AP5B1: variants seen among roughly 807,000 people sequenced by gnomAD.
The protein encoded by AP5B1 is adaptor related protein complex 5 subunit beta 1.
Under a neutral mutation model 5.7 loss-of-function variants are expected in AP5B1, and 3 were observed. The observed-to-expected ratio is 0.53, with a 90% CI of 0.24 to 1.36. AP5B1 has a LOEUF of 1.36. Ranked by LOEUF, AP5B1 falls within the 40% of genes most tolerant of loss-of-function variation. The probability of loss-of-function intolerance (pLI) is 0.17; values close to 1 mark genes in which losing one functional copy is unlikely to be tolerated. For synonymous variants in AP5B1, 696 were observed against 555.5 expected, an observed-to-expected ratio of 1.25 and a Z score of -3.56; for missense variants, 1,310 against 1,143.2, an observed-to-expected ratio of 1.15 and a Z score of -2.10.
chr11:65,780,386 A>G, intron 1 of AP5B1, 44 bp from the exon 2 acceptor site: 1 of 1,462,858 alleles, frequency 6.8e-7, no homozygotes, highest in Non-Finnish European at 9.0e-7. Flanking sequence ...GAGGTTCATG[A>G]CGCGGCGGGC....
Position 65,777,820 on chromosome 11 carries a change from G to A in AP5B1, c.*36C>T. ...CAGGAGTGTGCCTTGGCCCCCACAA[G>A]GGCCACAGTCCTGCCCCCACCTGGT... is the stretch of plus-strand genomic sequence containing the variant. On this transcript the variant is annotated 3_prime_UTR_variant, in exon 2 of 2. Coordinates refer to ENST00000532090, the MANE Select transcript of AP5B1 (RefSeq NM_138368.5). 2 of 1,464,856 alleles carry A rather than the reference G, an allele frequency of 1.4e-6. No individual in the cohort carries two copies. Among genetic ancestry groups the A allele is most frequent in the Non-Finnish European group, 1.8e-6 (2 of 1,106,812 alleles). 90.7% of individuals were successfully genotyped at this position (1,464,856 alleles called of 1,614,324 possible).
Position 65,778,740 on chromosome 11 carries a change from G to A in AP5B1, c.1753C>T (p.Arg585Trp), listed in dbSNP as rs780167918. The A allele has an allele frequency of 2.6e-5, 41 of 1,604,554 alleles. No individual in the cohort carries two copies. Among genetic ancestry groups the A allele is most frequent in the South Asian group, 4.4e-5 (4 of 90,276 alleles). Residue 585 changes from arginine to tryptophan, a missense_variant, in exon 2 of 2, where the codon CGG (arginine) becomes TGG (tryptophan). Arg to Trp is a moderately radical substitution (Grantham distance 101). Transcript: ENST00000532090. ...GLLRVCRALL[R>W]AGVRGGLVDL... ...ACCAGGCCGCCCCTCACCCCTGCCCGCAGCAGCGCCCGGCAGACCCGCAGC... is the reference window on the plus strand; with the variant it reads ...ACCAGGCCGCCCCTCACCCCTGCCCACAGCAGCGCCCGGCAGACCCGCAGC...
In AP5B1 at chr11:65,778,937, A is replaced by C. The variant is rs777259602; in HGVS notation, c.1556T>G (p.Leu519Arg). 3 of 1,612,928 alleles carry C rather than the reference A, an allele frequency of 1.9e-6. No individual in the cohort carries two copies. In the South Asian group the frequency reaches 3.3e-5, roughly 18 times the overall value. Residue 519 changes from leucine to arginine, a missense_variant, in exon 2 of 2, where the codon CTG (leucine) becomes CGG (arginine). Physicochemically the swap from Leu to Arg is moderately radical, Grantham distance 102 (BLOSUM62 -2). Transcript: ENST00000532090. ...DQVDSELREPLKVVLRQVVVS... is the reference protein window; with the variant it reads ...DQVDSELREPRKVVLRQVVVS... ...CACCACCTGCCGCAACACCACCTTC[A>C]GGGGCTCCCTCAGCTCAGAGTCCAC... is the stretch of plus-strand genomic sequence containing the variant.
chr11:65,774,312 T>A lies in AP5B1; in HGVS notation c.*3544A>T, dbSNP rs1857740694. On this transcript the variant is annotated 3_prime_UTR_variant, in exon 2 of 2. Coordinates refer to ENST00000532090, the MANE Select transcript of AP5B1 (RefSeq NM_138368.5). ...ATGACTCAACTATTTAGCACCTCCA[T>A]CTCAACATGTACTTCCCCAACGGTC... 6.6e-6 allele frequency among the ~76,000 whole-genome samples: 1 copy of A among 152,198 alleles called. No individual in the cohort carries two copies. The highest frequency in any genetic ancestry group is 2.4e-5 in the African/African-American group (1 of 41,444).
Position 65,778,748 on chromosome 11 carries a change from G to A in AP5B1, c.1745C>T (p.Ala582Val), listed in dbSNP as rs778961738. 16 of 1,606,952 alleles carry A rather than the reference G, an allele frequency of 1.0e-5. No individual in the cohort carries two copies. The highest frequency in any genetic ancestry group is 2.2e-5 in the East Asian group (1 of 44,804). Residue 582 changes from alanine to valine, a missense_variant, in exon 2 of 2, where the codon GCG (alanine) becomes GTG (valine). By Grantham distance (64) the Ala-to-Val change is moderately conservative. Transcript: ENST00000532090. ...GCCCCTCACCCCTGCCCGCAGCAGC[G>A]CCCGGCAGACCCGCAGCAGGCCCTG... ...LQQGLLRVCR[A>V]LLRAGVRGGL...
In AP5B1 at chr11:65,778,853, AC is replaced by A; in HGVS notation, c.1639del (p.Val547TrpfsTer42). The stretch of plus-strand genomic sequence containing the variant: ...AGCACTCTGGGCATCTCCATCTGCC[AC>A]CTTTGCCAGCATTTGCAGGTGCCAG... ...LCWHLQMLAK[V>X]ADGDAQSATL... On this transcript the variant is annotated frameshift_variant, in exon 2 of 2. Transcript: ENST00000532090. LOFTEE classifies it low-confidence loss of function (END_TRUNC). The A allele has an allele frequency of 6.2e-7, 1 of 1,609,128 alleles. No individual in the cohort carries two copies. The highest frequency in any genetic ancestry group is 8.5e-7 in the Non-Finnish European group (1 of 1,177,762).
chr11:65,775,949 G>A lies in AP5B1; in HGVS notation c.*1907C>T, dbSNP rs1426352835. ...TCTGTCGCCCAGGCTGGAGTGCAGT[G>A]GCGTGATCTCGGCTCACTGCAACTT... is the stretch of plus-strand genomic sequence containing the variant. On this transcript the variant is annotated 3_prime_UTR_variant, in exon 2 of 2. Coordinates refer to ENST00000532090, the MANE Select transcript of AP5B1 (RefSeq NM_138368.5). 6.6e-6 allele frequency: 1 copy of A among 152,100 alleles called. No homozygotes were observed. Among genetic ancestry groups the A allele is most frequent in the Non-Finnish European group, 1.5e-5 (1 of 68,160 alleles). The allele number at this position is 152,100 out of a possible 1,614,324, so 9.4% of individuals were successfully genotyped here.
In AP5B1 at chr11:65,774,289, G is replaced by A. The variant is rs1288728521; in HGVS notation, c.*3567C>T. ...TTACAGCGTATCCAGGTGAGATTAT[G>A]ACTCAACTATTTAGCACCTCCATCT... is the stretch of plus-strand genomic sequence containing the variant. On this transcript the variant is annotated 3_prime_UTR_variant, in exon 2 of 2. Coordinates refer to ENST00000532090, the MANE Select transcript of AP5B1 (RefSeq NM_138368.5). Among the ~76,000 whole-genome samples the A allele has an allele frequency of 6.6e-6, 1 of 152,226 alleles. No individual in the cohort carries two copies. Among genetic ancestry groups the A allele is most frequent in the Non-Finnish European group, 1.5e-5 (1 of 68,048 alleles).
chr11:65,778,151 A>C lies in AP5B1; in HGVS notation c.2342T>G (p.Phe781Cys), dbSNP rs767282601. 35 of 1,612,836 alleles carry C rather than the reference A, an allele frequency of 2.2e-5. No individual in the cohort carries two copies. Among genetic ancestry groups the C allele is most frequent in the East Asian group, 4.5e-5 (2 of 44,896 alleles). The change falls in exon 2 of 2, where the codon TTC becomes TGC. Residue 781 changes from phenylalanine to cysteine, a missense_variant. By Grantham distance (205) the Phe-to-Cys change is radical. Transcript: ENST00000532090. ...GCAGGAATCCCAGAGCTCCTCAAAG[A>C]AGCCCAGCCCGGCCCCCTCTGGAGG... ...PQPPEGAGLG[F>C]FEELWDSCLP...
Position 65,777,543 on chromosome 11 carries a change from C to T in AP5B1, c.*313G>A, listed in dbSNP as rs1441758764. ...TCTCCCCTCACTCCTGTCACTCTGT[C>T]CTCTGTCATGGGAAGATGCAGAAGG... On this transcript the variant is annotated 3_prime_UTR_variant, in exon 2 of 2. Coordinates refer to ENST00000532090, the MANE Select transcript of AP5B1 (RefSeq NM_138368.5). 4 of 331,152 alleles carry T rather than the reference C, an allele frequency of 1.2e-5. No homozygotes were observed. The highest frequency in any genetic ancestry group is 1.3e-4 in the South Asian group (2 of 15,482). 20.5% of individuals were successfully genotyped at this position (331,152 alleles called of 1,614,324 possible). A position where few individuals can be genotyped will look rare whatever the true frequency, so the allele number is the denominator to read the frequency against.
rs777900187 is a variant in AP5B1 at position 65,778,092 on chromosome 11, G to A, written c.2401C>T (p.Pro801Ser). The A allele has an allele frequency of 3.7e-6, 6 of 1,612,808 alleles. No homozygotes were observed. The highest frequency in any genetic ancestry group is 1.3e-5 in the African/African-American group (1 of 75,072). ...PEGAESRVWC[P>S]LGPQGLEGLV... ...CCCTCCAGGCCCTGTGGCCCAAGTG[G>A]ACACCACACACGACTCTCAGCACCC... The change falls in exon 2 of 2, where the codon CCA (proline) becomes TCA (serine). Residue 801 changes from proline to serine, a missense_variant. Physicochemically the swap from Pro to Ser is moderately conservative, Grantham distance 74 (BLOSUM62 -1). Coordinates refer to ENST00000532090, the MANE Select transcript of AP5B1 (RefSeq NM_138368.5).
chr11:65,777,607 C>G lies in AP5B1; in HGVS notation c.*249G>C. 2.0e-6 allele frequency: 1 copy of G among 502,160 alleles called. No homozygotes were observed. 31.1% of individuals were successfully genotyped at this position (502,160 alleles called of 1,614,324 possible). The stretch of plus-strand genomic sequence containing the variant: ...TCTGGGCCCTCCACTATGGACTTCC[C>G]AGCCTCCAGAGCTCTGAGCCAATAC... On this transcript the variant is annotated 3_prime_UTR_variant, in exon 2 of 2. Coordinates refer to ENST00000532090, the MANE Select transcript of AP5B1 (RefSeq NM_138368.5).
chr11:65,779,216 T>C lies in AP5B1; in HGVS notation c.1277A>G (p.Glu426Gly). The C allele has an allele frequency of 2.5e-6, 4 of 1,603,496 alleles. No homozygotes were observed. The highest frequency in any genetic ancestry group is 3.4e-6 in the Non-Finnish European group (4 of 1,174,848). Reference protein sequence around the residue: ...LHLLCLLCAEEEEEEKGQLPS... With the variant: ...LHLLCLLCAEGEEEEKGQLPS... Reference sequence around the variant, plus strand: ...AAGCTGGCCTTTCTCCTCTTCTTCCTCCTCGGCACAGAGCAGGCACAGTAA... The same window carrying C: ...AAGCTGGCCTTTCTCCTCTTCTTCCCCCTCGGCACAGAGCAGGCACAGTAA... The change falls in exon 2 of 2, where the codon GAG (glutamate) becomes GGG (glycine). Residue 426 changes from glutamate to glycine, a missense_variant. Physicochemically the swap from Glu to Gly is moderately conservative, Grantham distance 98 (BLOSUM62 -2). Coordinates refer to ENST00000532090, the MANE Select transcript of AP5B1 (RefSeq NM_138368.5).
In AP5B1 at chr11:65,778,330, G is replaced by C. The variant is rs542819766; in HGVS notation, c.2163C>G (p.Ala721=). 1 of 1,612,252 alleles carries C rather than the reference G, an allele frequency of 6.2e-7. No homozygotes were observed. The highest frequency in any genetic ancestry group is 1.1e-5 in the South Asian group (1 of 91,036). The stretch of plus-strand genomic sequence containing the variant: ...GCTGCAGAGGCAGGAGCAGAGGGCG[G>C]GCAGGGCGGCCAGGACACAGGCAGG... The part of the protein sequence containing the change: ...HVPCLCPGRP[A]RPLLLPLQPR... The change falls in exon 2 of 2, where the codon GCC becomes GCG. Residue 721 remains alanine, a synonymous_variant. Transcript: ENST00000532090.
rs1157746202 is a variant in AP5B1 at position 65,779,766 on chromosome 11, G to C, written c.727C>G (p.Pro243Ala). The C allele has an allele frequency of 3.8e-6, 6 of 1,586,608 alleles. No homozygotes were observed. The highest frequency in any genetic ancestry group is 5.1e-6 in the Non-Finnish European group (6 of 1,166,212). The change falls in exon 2 of 2, where the codon CCG becomes GCG. Residue 243 changes from proline (P) to alanine (A), a missense_variant. Transcript: ENST00000532090. ...GRLQPQAPSW[P>A]AAEEGEGERS... Reference sequence around the variant, plus strand: ...TCCCCCTCTCCCTCCTCAGCTGCCGGCCAGCTGGGTGCCTGGGGCTGAAGG... The same window carrying C: ...TCCCCCTCTCCCTCCTCAGCTGCCGCCCAGCTGGGTGCCTGGGGCTGAAGG...
Position 65,780,106 on chromosome 11 carries a change from C to A in AP5B1, c.387G>T (p.Ala129=). 6.6e-7 allele frequency: 1 copy of A among 1,512,578 alleles called. No individual in the cohort carries two copies. The highest frequency in any genetic ancestry group is 8.9e-7 in the Non-Finnish European group (1 of 1,129,552). The allele number at this position is 1,512,578 out of a possible 1,614,324, so 93.7% of individuals were successfully genotyped here. The change falls in exon 2 of 2, where the codon GCG becomes GCT. Residue 129 remains alanine, a synonymous_variant. Transcript: ENST00000532090. ...RLLPLLLGLA[A]GSDLGRGFVP... is the part of the protein sequence containing the mutation. ...CAAAGCCTCGCCCCAGATCGCTACC[C>A]GCGGCCAGGCCGAGCAGTAGGGGCA...
In AP5B1 at chr11:65,774,545, G is replaced by T. The variant is rs1857743275; in HGVS notation, c.*3311C>A. 1.3e-5 allele frequency among the ~76,000 whole-genome samples: 2 copies of T among 152,146 alleles called. No homozygotes were observed. The highest frequency in any genetic ancestry group is 4.1e-4 in the South Asian group (2 of 4,830). On this transcript the variant is annotated 3_prime_UTR_variant, in exon 2 of 2. Transcript: ENST00000532090. The stretch of plus-strand genomic sequence containing the variant: ...TCCTGCCTCAGCCTCCTGAGTAGCT[G>T]GGATTATGAGCACGCCACCACACCC...
chr11:65,779,749 T>C lies in AP5B1; in HGVS notation c.744A>G (p.Gly248=). ...GTGCTGTAAGGCTACGCTCCCCCTC[T>C]CCCTCCTCAGCTGCCGGCCAGCTGG... ...QAPSWPAAEE[G]EGERSLTARE... Residue 248 remains glycine (G), a synonymous_variant, in exon 2 of 2, where the codon GGA becomes GGG. Transcript: ENST00000532090. The C allele has an allele frequency of 6.3e-7, 1 of 1,594,480 alleles. No individual in the cohort carries two copies. The highest frequency in any genetic ancestry group is 1.1e-5 in the South Asian group (1 of 88,796).
rs762683500 is a variant in AP5B1, at chr11:65,778,717, C to A, written c.1776G>T (p.Leu592=). Residue 592 remains leucine (L), a synonymous_variant, in exon 2 of 2, where the codon CTG becomes CTT. Coordinates refer to ENST00000532090, the MANE Select transcript of AP5B1 (RefSeq NM_138368.5). ...TGGCCAGCACCTGCAGCAAGTCGACCAGGCCGCCCCTCACCCCTGCCCGCA... is the reference window on the plus strand; with the variant it reads ...TGGCCAGCACCTGCAGCAAGTCGACAAGGCCGCCCCTCACCCCTGCCCGCA... ...ALLRAGVRGG[L]VDLLQVLARQ... 14 of 1,588,588 alleles carry A rather than the reference C, an allele frequency of 8.8e-6. No homozygotes were observed. The Admixed American group carries it at 1.7e-4, about 20-fold the overall frequency.
Sources: gnomAD v4.1 joint callset for allele counts (sites outside exome capture counted in the v4.1 genomes callset) on GRCh38, gnomAD v4.1.1 for gene constraint, MANE v1.5 for transcripts, NCBI Gene and HGNC (gene_info 2026-07-23, HGNC 2026-07-21) for gene names.